ROBO1: variants seen among roughly 807,000 people sequenced by gnomAD.
The protein encoded by ROBO1 is roundabout homolog 1.
ROBO1 carries 149 observed loss-of-function variants against 195.9 expected under a neutral mutation model. That is an observed-to-expected ratio of 0.76 (90% CI 0.67 to 0.87). The LOEUF is 0.87. Among genes scored for constraint, ROBO1 ranks in the 40% least tolerant of loss-of-function variants. The probability of loss-of-function intolerance (pLI) is 0.00; values close to 1 mark genes in which losing one functional copy is unlikely to be tolerated. For missense variants in ROBO1, 1,933 were observed against 2,068.3 expected (o/e 0.93, Z 1.27); for synonymous variants, 816 against 733.2 (o/e 1.11, Z -1.82).
At chr3:79,537,227 C>G (rs1377752221) in intron 2 of ROBO1, among the ~76,000 whole-genome samples, 1 of 151,870 alleles carries the variant, frequency 6.6e-6, no homozygotes. Context: ...TGAACTCTAG[C>G]TTCTAGGGGA....
chr3:78,842,719 A>C (rs1197692621), intron 4 of ROBO1, among the ~76,000 whole-genome samples: 1 of 151,592 alleles, frequency 6.6e-6, no homozygotes, highest in African/African-American at 2.4e-5. Context: ...ACTTTTGGTT[A>C]GTTTTTTTTT....
rs2107507075 is a variant in ROBO1 at position 78,631,442 on chromosome 3, T to C, written c.3482-137A>G. ...AGAGATAAACATGCTTTTTCATTAA[T>C]TTTAAACAGAACTTTGTACAAGAGA... On this transcript the variant is annotated intron_variant, in intron 24 of 30. Transcript: ENST00000464233. 3 of 1,009,286 alleles carry C rather than the reference T, an allele frequency of 3.0e-6. No individual in the cohort carries two copies. The South Asian group carries it at 6.3e-5, about 21-fold the overall frequency. 62.5% of individuals were successfully genotyped at this position (1,009,286 alleles called of 1,614,324 possible). A position where few individuals can be genotyped will look rare whatever the true frequency, so the allele number is the denominator to read the frequency against.
chr3:79,751,607 C>G (rs1388324586), intron 1 of ROBO1, among the ~76,000 whole-genome samples: 3 of 152,042 alleles, frequency 2.0e-5, no homozygotes, highest in African/African-American at 7.2e-5. Context: ...GTTAAATGTA[C>G]AAGTGAAGTA....
At chr3:79,622,329 C>T (rs1001532679) in intron 1 of ROBO1, among the ~76,000 whole-genome samples, 8 of 152,300 alleles carry the variant, frequency 5.3e-5, no homozygotes, top group Admixed American at 1.3e-4. Context: ...AGGGAAGGGG[C>T]GACCAGCACC....
At chr3:79,353,194 TTTAG>T (rs1341054801) in intron 2 of ROBO1, among the ~76,000 whole-genome samples, 2 of 152,160 alleles carry the variant, frequency 1.3e-5, no homozygotes, top group African/African-American at 4.8e-5. Context: ...TCTCAAAATG[TTTAG>T]TTAGTGACTA....
intron 26 of ROBO1, among the ~76,000 whole-genome samples, chr3:78,619,910 C>T (rs1337274644): frequency 1.3e-5 from 2 of 150,294 alleles, no homozygotes; most frequent in African/African-American, 2.4e-5. Context: ...CCCAGCTACT[C>T]GGGAGGCTGA....
In ROBO1 at chr3:79,436,063, A is replaced by G. The variant is rs138647793; in HGVS notation, c.88+153761T>C. Among the ~76,000 whole-genome samples, 3 of 152,204 alleles carry G rather than the reference A, an allele frequency of 2.0e-5. No homozygotes were observed. In the South Asian group the frequency reaches 6.2e-4, roughly 31 times the overall value. On this transcript the variant is annotated intron_variant, in intron 2 of 30. Transcript: ENST00000464233. ...ACAGTTAATAGCTCTATATGCCAGG[A>G]AAACACTGGACCCTTGTAAAGAAAG...
chr3:79,640,070 T>C (rs563904941), intron 1 of ROBO1, among the ~76,000 whole-genome samples: 22 of 152,298 alleles, frequency 1.4e-4, no homozygotes, highest in African/African-American at 4.8e-4. Flanking sequence ...GCAGTTTTAA[T>C]AGCATTTCCA....
intron 2 of ROBO1, among the ~76,000 whole-genome samples, chr3:79,538,285 G>T: frequency 6.6e-6 from 1 of 152,016 alleles, no homozygotes; most frequent in Non-Finnish European, 1.5e-5. Context: ...GACCAATATT[G>T]TATAGTTCAT....
chr3:79,453,671 G>A (rs1486893224), intron 2 of ROBO1, among the ~76,000 whole-genome samples: 2 of 152,022 alleles, frequency 1.3e-5, no homozygotes, highest in Non-Finnish European at 2.9e-5. Flanking sequence ...ATCAAAAGCC[G>A]AGTGCTGAAA....
chr3:78,962,238 T>C (rs1468940260), intron 3 of ROBO1, among the ~76,000 whole-genome samples: 1 of 152,214 alleles, frequency 6.6e-6, no homozygotes, highest in African/African-American at 2.4e-5. Flanking sequence ...TCAGGCAAAG[T>C]GCCTGTGCTT....
At chr3:79,019,565 T>G in intron 3 of ROBO1, 1 of 985,412 alleles carries the variant, frequency 1.0e-6, no homozygotes, top group South Asian at 4.7e-5. Context: ...TGCTTCACTC[T>G]ATTCTCCAGG....
intron 2 of ROBO1, among the ~76,000 whole-genome samples, chr3:79,351,580 T>A (rs186054030): frequency 2.0e-5 from 3 of 152,304 alleles, no homozygotes; most frequent in Admixed American, 2.0e-4. Flanking sequence ...TCCTAATTAT[T>A]TTATGATAAT....
Position 78,597,530 on chromosome 3 carries a change from A to C in ROBO1, c.*1383T>G. 1 of 152,516 alleles carries C rather than the reference A, an allele frequency of 6.6e-6. No homozygotes were observed. Among genetic ancestry groups the C allele is most frequent in the East Asian group, 1.9e-4 (1 of 5,198 alleles). The allele number at this position is 152,516 out of a possible 1,614,324, so 9.4% of individuals were successfully genotyped here. On this transcript the variant is annotated 3_prime_UTR_variant, in exon 31 of 31. Transcript: ENST00000464233. ...AGACCTGATACTTATCTATCTATGA[A>C]TAAATGTACATTTTTTTCTTCAAAT...
In ROBO1 at chr3:79,357,794, C is replaced by G. The variant is rs2035615139; in HGVS notation, c.88+232030G>C. Reference sequence around the variant, plus strand: ...TTTAATTGCTAACCTCTAGCACTAACCTTCTCTAGTTGTGGAGCCAGAGGT... The same window carrying G: ...TTTAATTGCTAACCTCTAGCACTAAGCTTCTCTAGTTGTGGAGCCAGAGGT... On this transcript the variant is annotated intron_variant, in intron 2 of 30. Transcript: ENST00000464233. Among the ~76,000 whole-genome samples, 3 of 152,084 alleles carry G rather than the reference C, an allele frequency of 2.0e-5. No individual in the cohort carries two copies. In the South Asian group the frequency reaches 6.2e-4, roughly 32 times the overall value.
Position 78,688,867 on chromosome 3 carries a change from T to C in ROBO1, c.1046-95A>G, listed in dbSNP as rs188035671. ...TATATTCTAAGTGCTGCTGTTATTT[T>C]ATACAACATGTTATGTAAAACAGTC... is the stretch of plus-strand genomic sequence containing the variant. On this transcript the variant is annotated intron_variant, in intron 8 of 30. Coordinates refer to ENST00000464233, the MANE Select transcript of ROBO1 (RefSeq NM_002941.4). The C allele has an allele frequency of 1.1e-4, 130 of 1,229,752 alleles. No homozygotes were observed. The African/African-American group carries it at 1.7e-3, about 16-fold the overall frequency. 76.2% of individuals were successfully genotyped at this position (1,229,752 alleles called of 1,614,324 possible).
In ROBO1 at chr3:78,910,460, C is replaced by T. The variant is rs377280429; in HGVS notation, c.499+28141G>A. ...TGGGAATGTTTTACTGTTTCTAATC[C>T]TACTAATACCAAATCTGATTCAACT... On this transcript the variant is annotated intron_variant, in intron 4 of 30. Coordinates refer to ENST00000464233, the MANE Select transcript of ROBO1 (RefSeq NM_002941.4). Among the ~76,000 whole-genome samples the T allele has an allele frequency of 4.8e-4, 73 of 151,934 alleles. 3 individuals are homozygous for T. In the South Asian group the frequency reaches 0.015, roughly 31 times the overall value.
chr3:79,285,333 G>A (rs1292518864), intron 2 of ROBO1, among the ~76,000 whole-genome samples: 3 of 152,120 alleles, frequency 2.0e-5, no homozygotes, highest in African/African-American at 4.8e-5. Context: ...TTTCCTTAAC[G>A]TATTGCTTGC....
chr3:78,618,801 A>C (rs558738694), intron 26 of ROBO1, among the ~76,000 whole-genome samples: 1 of 152,336 alleles, frequency 6.6e-6, no homozygotes, highest in East Asian at 1.9e-4. Flanking sequence ...AAAATGAAGT[A>C]GTCTCCCAAA....
Sources: gnomAD v4.1 joint callset for allele counts (sites outside exome capture counted in the v4.1 genomes callset) on GRCh38, gnomAD v4.1.1 for gene constraint, MANE v1.5 for transcripts, NCBI Gene and HGNC (gene_info 2026-07-23, HGNC 2026-07-21) for gene names.